The following EEPD1 variants were observed in gnomAD, a reference collection of about 807,000 sequenced individuals.
The protein encoded by EEPD1 is endonuclease/exonuclease/phosphatase family domain-containing protein 1.
EEPD1 carries 17 observed loss-of-function variants against 46.3 expected under a neutral mutation model. The ratio of observed to expected loss-of-function variants is 0.37; its 90% CI spans 0.25 to 0.55. The LOEUF (loss-of-function observed/expected upper bound fraction) is 0.55, where lower values mean the gene tolerates loss of function less well. EEPD1 is among the 20% of genes least tolerant of loss of function. The pLI is 0.83. For synonymous variants in EEPD1, 313 were observed against 315.6 expected, an observed-to-expected ratio of 0.99 and a Z score of 0.09; for missense variants, 673 against 745.6, an observed-to-expected ratio of 0.90 and a Z score of 1.13.
chr7:36,166,972 G>T (rs1303703373), intron 2 of EEPD1, among the ~76,000 whole-genome samples: 1 of 152,130 alleles, frequency 6.6e-6, no homozygotes, highest in Non-Finnish European at 1.5e-5. Context: ...AGTTCTGGAG[G>T]CTGGGAGTTT....
chr7:36,266,095 C>T (rs969042298), intron 3 of EEPD1, among the ~76,000 whole-genome samples: 9 of 152,164 alleles, frequency 5.9e-5, no homozygotes, highest in African/African-American at 1.4e-4. Flanking sequence ...TTTCCGCTCT[C>T]ACTTGGGGTT....
intron 2 of EEPD1, among the ~76,000 whole-genome samples, chr7:36,156,316 C>T (rs538753017): frequency 6.6e-6 from 1 of 152,246 alleles, no homozygotes; most frequent in Non-Finnish European, 1.5e-5. Flanking sequence ...GTGGCATGCT[C>T]TCATCACTGA....
chr7:36,299,225 T>C lies in EEPD1; in HGVS notation c.*19T>C, dbSNP rs1347300641. On this transcript the variant is annotated 3_prime_UTR_variant, in exon 8 of 8. Coordinates refer to ENST00000242108, the MANE Select transcript of EEPD1 (RefSeq NM_030636.3). ...GCGATGATGACACCAAATCCATGTG[T>C]CCACCCTGGGACCCAGGAGGGCACA... 6.2e-7 allele frequency: 1 copy of C among 1,610,850 alleles called. No individual in the cohort carries two copies. Among genetic ancestry groups the C allele is most frequent in the East Asian group, 2.2e-5 (1 of 44,720 alleles).
chr7:36,245,007 A>T (rs1409775100), intron 3 of EEPD1, among the ~76,000 whole-genome samples: 1 of 145,096 alleles, frequency 6.9e-6, no homozygotes, highest in Admixed American at 6.9e-5. Context: ...GTGCAGTAGT[A>T]TGATCTCGGC....
intron 3 of EEPD1, among the ~76,000 whole-genome samples, chr7:36,273,401 G>T (rs762484038): frequency 8.6e-5 from 13 of 151,840 alleles, no homozygotes; most frequent in Non-Finnish European, 1.8e-4. Flanking sequence ...CAGGACTCAG[G>T]AGCCAACCTC....
intron 2 of EEPD1, among the ~76,000 whole-genome samples, chr7:36,196,040 A>C (rs1785576038): frequency 6.6e-6 from 1 of 152,224 alleles, no homozygotes. Context: ...CCTGCACAGC[A>C]TGTTACTGTA....
chr7:36,265,654 T>C (rs1199161698), intron 3 of EEPD1, among the ~76,000 whole-genome samples: 2 of 152,218 alleles, frequency 1.3e-5, no homozygotes, highest in Non-Finnish European at 2.9e-5. Flanking sequence ...ATCTGGCTTT[T>C]GATACCTCAG....
intron 2 of EEPD1, among the ~76,000 whole-genome samples, chr7:36,219,293 T>C (rs964396900): frequency 1.3e-5 from 2 of 151,298 alleles, no homozygotes; most frequent in African/African-American, 4.9e-5. Context: ...AAAGAGCAAC[T>C]AGATGGCAAA....
At chr7:36,242,251 AAG>A (rs1786566613) in intron 3 of EEPD1, among the ~76,000 whole-genome samples, 2 of 152,206 alleles carry the variant, frequency 1.3e-5, no homozygotes, top group South Asian at 4.1e-4. Context: ...AGTGATCTCC[AAG>A]AGTTAGCTGC....
At position 36,222,463 on chromosome 7, in the gene EEPD1, G is replaced by A. The variant is rs187425586; in HGVS notation, c.879-16522G>A. Among the ~76,000 whole-genome samples the A allele has an allele frequency of 1.4e-3, 219 of 152,124 alleles. 1 individual carries two copies. Among genetic ancestry groups the A allele is most frequent in the African/African-American group, 4.8e-3 (201 of 41,494 alleles). ...AGAAAATCCACCTGTAAGTAGACCC[G>A]CACAATTCAAACCTGTATTGTTCAA... is the stretch of plus-strand genomic sequence containing the variant. On this transcript the variant is annotated intron_variant, in intron 2 of 7. Transcript: ENST00000242108.
At chr7:36,191,361 A>G (rs569177701) in intron 2 of EEPD1, among the ~76,000 whole-genome samples, 1 of 152,332 alleles carries the variant, frequency 6.6e-6, no homozygotes, top group Admixed American at 6.5e-5. Flanking sequence ...ACAGATAAGC[A>G]TGGAGGAGAG....
At chr7:36,296,722 T>G (rs1044858831) in intron 6 of EEPD1, among the ~76,000 whole-genome samples, 3 of 132,068 alleles carry the variant, frequency 2.3e-5, no homozygotes, top group African/African-American at 8.6e-5. Context: ...TTTTTTGTGA[T>G]AAGATTTGGA....
At chr7:36,245,658 C>A (rs1463351475) in intron 3 of EEPD1, among the ~76,000 whole-genome samples, 1 of 152,192 alleles carries the variant, frequency 6.6e-6, no homozygotes, top group Admixed American at 6.5e-5. Flanking sequence ...ATAAACCATA[C>A]AATTAACAAT....
rs1405856896 is a variant in EEPD1 at position 36,244,075 on chromosome 7, TAATTC to T, written c.930+5043_930+5047del. Among the ~76,000 whole-genome samples, 12 of 149,380 alleles carry T rather than the reference TAATTC, an allele frequency of 8.0e-5. 1 individual carries two copies. In the Middle Eastern group the frequency reaches 0.017, roughly 215 times the overall value. On this transcript the variant is annotated intron_variant, in intron 3 of 7. Coordinates refer to ENST00000242108, the MANE Select transcript of EEPD1 (RefSeq NM_030636.3). ...TAATTAAAAAAAAAGAAAATAGTCT[TAATTC>T]AATAGGTAGAGCCAGCAAAAAAGGG...
At position 36,193,336 on chromosome 7, in the gene EEPD1, G is replaced by T. The variant is rs1471945298; in HGVS notation, c.878+38134G>T. 1.3e-5 allele frequency among the ~76,000 whole-genome samples: 2 copies of T among 152,200 alleles called. No homozygotes were observed. The highest frequency in any genetic ancestry group is 2.9e-5 in the Non-Finnish European group (2 of 68,032). ...AGAGTGTGCAGAAGCCTGGAGCCTGGAGAGGGGAGGAATGAAGGCGGGATG... is the reference window on the plus strand; with the variant it reads ...AGAGTGTGCAGAAGCCTGGAGCCTGTAGAGGGGAGGAATGAAGGCGGGATG... On this transcript the variant is annotated intron_variant, in intron 2 of 7. Transcript: ENST00000242108. This position sits in a 1 kb window ranked among gnomAD's most constrained non-coding sequence, Gnocchi z 4.9.
chr7:36,210,111 G>A (rs1417196635), intron 2 of EEPD1, among the ~76,000 whole-genome samples: 2 of 152,162 alleles, frequency 1.3e-5, no homozygotes, highest in Non-Finnish European at 2.9e-5. Flanking sequence ...TGGTGGGTGG[G>A]TAGGGGAAGT....
intron 2 of EEPD1, among the ~76,000 whole-genome samples, chr7:36,157,686 A>T (rs1784846553): frequency 6.6e-6 from 1 of 152,188 alleles, no homozygotes. Context: ...GTCACAATGG[A>T]TTCAGTATTC....
At chr7:36,209,378 C>G (rs536299197) in intron 2 of EEPD1, among the ~76,000 whole-genome samples, 1 of 152,306 alleles carries the variant, frequency 6.6e-6, no homozygotes, top group African/African-American at 2.4e-5. Context: ...ATTGCCGGCT[C>G]TGTTTCTGTA....
intron 2 of EEPD1, among the ~76,000 whole-genome samples, chr7:36,224,424 G>A (rs1419224103): frequency 6.6e-6 from 1 of 152,182 alleles, no homozygotes; most frequent in Admixed American, 6.5e-5. Flanking sequence ...CCTTGTTTAA[G>A]GATGCATAAA....
Sources: gnomAD v4.1 joint callset for allele counts (sites outside exome capture counted in the v4.1 genomes callset) on GRCh38, gnomAD v4.1.1 for gene constraint, Gnocchi (gnomAD v3.1) non-coding constraint, MANE v1.5 for transcripts, NCBI Gene and HGNC (gene_info 2026-07-23, HGNC 2026-07-21) for gene names.